Variants in CADM2 observed in about 807,000 individuals in gnomAD.
CADM2 encodes cell adhesion molecule 2, also known as immunoglobulin superfamily member 4D.
In CADM2, 12 loss-of-function variants were observed where a neutral mutation model predicts 49.8. The ratio of observed to expected loss-of-function variants is 0.24; its 90% confidence interval spans 0.15 to 0.39. The LOEUF (loss-of-function observed/expected upper bound fraction) is 0.39. CADM2 is among the 10% of genes least tolerant of loss of function. The pLI is 1.00. For missense variants in CADM2, 378 were observed against 492.3 expected (o/e 0.77, Z 2.20); for synonymous variants, 214 against 175.4 (o/e 1.22, Z -1.74).
intron 1 of CADM2, among the ~76,000 whole-genome samples, chr3:84,984,382 A>AAAAAAAAAC (rs2032421722): frequency 1.4e-5 from 2 of 139,198 alleles, no homozygotes; most frequent in African/African-American, 5.1e-5. Context: ...AAAAAAAAAA[A>AAAAAAAAAC]AAACACTTGA....
intron 1 of CADM2, among the ~76,000 whole-genome samples, chr3:85,116,285 C>T (rs1442671426): frequency 2.6e-5 from 4 of 152,224 alleles, no homozygotes; most frequent in Non-Finnish European, 5.9e-5. Flanking sequence ...AACATCACTG[C>T]ATTGCTCTCC....
chr3:86,005,760 A>ATTGTGCTGTCAAATAGTAGGTCT (rs1197839770), intron 8 of CADM2, among the ~76,000 whole-genome samples: 1 of 152,056 alleles, frequency 6.6e-6, no homozygotes, highest in Non-Finnish European at 1.5e-5. Context: ...TAGTCACACT[A>ATTGTGCTGTCAAATAGTAGGTCT]TTGTGCTGTC....
At chr3:85,215,590 C>T (rs1401725577) in intron 1 of CADM2, among the ~76,000 whole-genome samples, 1 of 151,942 alleles carries the variant, frequency 6.6e-6, no homozygotes, top group Non-Finnish European at 1.5e-5. Flanking sequence ...AAGCTGGTGT[C>T]TCACTCTGTC....
chr3:85,283,346 C>A (rs1300765240), intron 1 of CADM2, among the ~76,000 whole-genome samples: 1 of 151,344 alleles, frequency 6.6e-6, no homozygotes, highest in African/African-American at 2.4e-5. Flanking sequence ...AAATATTATT[C>A]TCATTAATAC....
chr3:85,147,047 C>T lies in CADM2; in HGVS notation c.61+187379C>T, dbSNP rs529012489. On this transcript the variant is annotated intron_variant, in intron 1 of 9. Coordinates refer to ENST00000383699, the MANE Select transcript of CADM2 (RefSeq NM_001167675.2). ...CAGCACTTTGGGAGGCCGACACGGG[C>T]GGATCACCTGAGGTCAGGAGGTCAA... is the stretch of plus-strand genomic sequence containing the variant. Among the ~76,000 whole-genome samples, 3 of 152,016 alleles carry T rather than the reference C, an allele frequency of 2.0e-5. No individual in the cohort carries two copies. In the East Asian group the frequency reaches 5.8e-4, roughly 30 times the overall value.
At chr3:85,274,076 A>G (rs185108699) in intron 1 of CADM2, among the ~76,000 whole-genome samples, 1 of 151,576 alleles carries the variant, frequency 6.6e-6, no homozygotes, top group East Asian at 1.9e-4. Flanking sequence ...AATAGGAGAA[A>G]CACTGAGAAT....
chr3:85,638,820 G>A (rs1234297179), intron 1 of CADM2, among the ~76,000 whole-genome samples: 1 of 151,914 alleles, frequency 6.6e-6, no homozygotes, highest in Non-Finnish European at 1.5e-5. Context: ...TCACAGGCAT[G>A]CATGTAAAAA....
At chr3:85,636,387 A>T (rs930461735) in intron 1 of CADM2, among the ~76,000 whole-genome samples, 1 of 152,210 alleles carries the variant, frequency 6.6e-6, no homozygotes, top group Non-Finnish European at 1.5e-5. Context: ...CTTATAAAAT[A>T]AGGATATAAA....
At chr3:85,107,762 T>A (rs958096474) in intron 1 of CADM2, among the ~76,000 whole-genome samples, 14 of 148,430 alleles carry the variant, frequency 9.4e-5, no homozygotes, top group African/African-American at 3.5e-4. Context: ...TACAATGGCA[T>A]GATCTCAGCT....
At chr3:85,870,599 GTAATATTCCA>G (rs1443793978) in intron 3 of CADM2, among the ~76,000 whole-genome samples, 1 of 152,112 alleles carries the variant, frequency 6.6e-6, no homozygotes, top group African/African-American at 2.4e-5. Context: ...GTATGGCTGT[GTAATATTCCA>G]TAGTATATAT....
chr3:85,151,978 GTTAT>G (rs1308107069), intron 1 of CADM2, among the ~76,000 whole-genome samples: 1 of 152,042 alleles, frequency 6.6e-6, no homozygotes, highest in East Asian at 1.9e-4. Context: ...AAGAAAAAAG[GTTAT>G]TTTTTTATTT....
At position 85,438,613 on chromosome 3, in the gene CADM2, G is replaced by C. The variant is rs1000491775; in HGVS notation, c.62-287909G>C. Reference sequence around the variant, plus strand: ...TAAATGTTTTATTTTTATATGGGCAGTATCTGCAAAAATAGACATAAAGGA... The same window carrying C: ...TAAATGTTTTATTTTTATATGGGCACTATCTGCAAAAATAGACATAAAGGA... On this transcript the variant is annotated intron_variant, in intron 1 of 9. Transcript: ENST00000383699. 2.0e-5 allele frequency among the ~76,000 whole-genome samples: 3 copies of C among 152,024 alleles called. No homozygotes were observed. The South Asian group carries it at 6.2e-4, about 31-fold the overall frequency.
chr3:85,141,062 T>C (rs777303125), intron 1 of CADM2, among the ~76,000 whole-genome samples: 7 of 152,192 alleles, frequency 4.6e-5, no homozygotes, highest in Non-Finnish European at 1.0e-4. Flanking sequence ...TAGCATTCAG[T>C]ATGTCATTTT....
chr3:85,099,293 A>C (rs556907667), intron 1 of CADM2, among the ~76,000 whole-genome samples: 1 of 152,262 alleles, frequency 6.6e-6, no homozygotes, highest in African/African-American at 2.4e-5. Flanking sequence ...ATTTTCTCAA[A>C]GTCCAATAAC....
chr3:85,992,355 T>A (rs1437110846), intron 8 of CADM2: 2 of 152,148 alleles, frequency 1.3e-5, no homozygotes, highest in Non-Finnish European at 2.9e-5. Context: ...TTAATGACCT[T>A]CCTCTGAATA....
At chr3:85,057,266 T>C (rs1419976360) in intron 1 of CADM2, among the ~76,000 whole-genome samples, 1 of 152,008 alleles carries the variant, frequency 6.6e-6, no homozygotes, top group East Asian at 1.9e-4. Context: ...GAAAATGTCA[T>C]CTAAGGATAA....
intron 1 of CADM2, among the ~76,000 whole-genome samples, chr3:85,490,412 A>G (rs917860124): frequency 3.9e-5 from 6 of 152,080 alleles, no homozygotes; most frequent in African/African-American, 1.2e-4. Context: ...AGTGTTTTTA[A>G]CTCAATGTAA....
chr3:85,572,245 C>T (rs13353478), intron 1 of CADM2, among the ~76,000 whole-genome samples: 25,663 of 152,032 alleles, frequency 0.17, 2,689 homozygotes, highest in Non-Finnish European at 0.23. Context: ...TGCAATTGTG[C>T]CACTGCTTTC....
At chr3:85,098,612 C>A (rs915188643) in intron 1 of CADM2, among the ~76,000 whole-genome samples, 1 of 152,014 alleles carries the variant, frequency 6.6e-6, no homozygotes, top group Non-Finnish European at 1.5e-5. Context: ...TGATATGAAG[C>A]TAAAAGAATG....
Sources: allele counts gnomAD v4.1 joint callset (sites outside exome capture counted in the v4.1 genomes callset), GRCh38; gene constraint gnomAD v4.1.1; transcripts MANE v1.5; gene names NCBI Gene and HGNC (gene_info 2026-07-23, HGNC 2026-07-21).